The following GALNT3 variants were observed in gnomAD, a reference collection of about 807,000 sequenced individuals.
GALNT3 encodes the protein polypeptide N-acetylgalactosaminyltransferase 3.
Under a neutral mutation model 69.8 loss-of-function variants are expected in GALNT3, and 51 were observed. That is an observed-to-expected ratio of 0.73 (90% CI 0.58 to 0.92). GALNT3 has a LOEUF of 0.92. Among genes scored for constraint, GALNT3 ranks in the 40% least tolerant of loss-of-function variants. GALNT3 has a pLI of 0.00. For missense variants in GALNT3, 711 were observed against 760.0 expected (o/e 0.94, Z 0.76); for synonymous variants, 265 against 248.5 (o/e 1.07, Z -0.63).
chr2:165,786,905 G>C (rs1234830489), intron 1 of GALNT3, among the ~76,000 whole-genome samples: 2 of 152,102 alleles, frequency 1.3e-5, no homozygotes, highest in Non-Finnish European at 2.9e-5. Flanking sequence ...TGCCATGTAA[G>C]TGTTCAATAG....
At chr2:165,793,371 G>A (rs1683392426) in intron 1 of GALNT3, among the ~76,000 whole-genome samples, 1 of 152,284 alleles carries the variant, frequency 6.6e-6, no homozygotes, top group African/African-American at 2.4e-5. Context: ...CATTGATCAG[G>A]AAAGTGGGCC....
At chr2:165,792,914 T>C (rs1449266596) in intron 1 of GALNT3, among the ~76,000 whole-genome samples, 5 of 152,164 alleles carry the variant, frequency 3.3e-5, no homozygotes, top group African/African-American at 2.4e-5. Flanking sequence ...CTAATTAAAA[T>C]GCTGTCACTT....
intron 3 of GALNT3, among the ~76,000 whole-genome samples, chr2:165,764,479 T>C (rs1478774497): frequency 2.0e-5 from 3 of 152,214 alleles, no homozygotes; most frequent in Non-Finnish European, 4.4e-5. Context: ...CAACACATAA[T>C]ATATTTAATG....
At chr2:165,793,443 T>C (rs552741618) in intron 1 of GALNT3, among the ~76,000 whole-genome samples, 2 of 152,098 alleles carry the variant, frequency 1.3e-5, no homozygotes, top group Admixed American at 1.3e-4. Context: ...GAGAGGGGTG[T>C]CCGCGTCCCG....
chr2:165,751,808 G>C (rs1234354571), intron 9 of GALNT3, among the ~76,000 whole-genome samples: 2 of 151,972 alleles, frequency 1.3e-5, no homozygotes, highest in Non-Finnish European at 2.9e-5. Context: ...CTGATCAAAA[G>C]TAGAAGGAAA....
intron 9 of GALNT3, among the ~76,000 whole-genome samples, chr2:165,754,253 C>G (rs1012075079): frequency 1.7e-4 from 26 of 151,708 alleles, no homozygotes; most frequent in African/African-American, 6.1e-4. Flanking sequence ...CCACGCCCGA[C>G]AAATTTTTGT....
chr2:165,787,670 T>C (rs1300840230), intron 1 of GALNT3, among the ~76,000 whole-genome samples: 1 of 152,192 alleles, frequency 6.6e-6, no homozygotes. Context: ...CAAAAAGAGA[T>C]GAAAGGACTG....
chr2:165,770,306 T>C lies in GALNT3; in HGVS notation c.395A>G (p.Asn132Ser). ...GASGKAFKTT[N>S]LSVEEQKEKE... ...TTCCTTTTGCTCTTCAACACTTAAATTGGTTGTCTTGAATGCTTTACCAGA... is the reference window on the plus strand; with the variant it reads ...TTCCTTTTGCTCTTCAACACTTAAACTGGTTGTCTTGAATGCTTTACCAGA... The change falls in exon 2 of 11, where the codon AAT becomes AGT. Residue 132 changes from asparagine to serine, a missense_variant. Asn to Ser is a conservative substitution (Grantham distance 46). Coordinates refer to ENST00000392701, the MANE Select transcript of GALNT3 (RefSeq NM_004482.4). 1 of 1,614,156 alleles carries C rather than the reference T, an allele frequency of 6.2e-7. No individual in the cohort carries two copies. The highest frequency in any genetic ancestry group is 1.1e-5 in the South Asian group (1 of 91,080).
rs1271858556 is a variant in GALNT3 at position 165,748,425 on chromosome 2, G to A, written c.*356C>T. 1 of 279,616 alleles carries A rather than the reference G, an allele frequency of 3.6e-6. No individual in the cohort carries two copies. The highest frequency in any genetic ancestry group is 6.8e-6 in the Non-Finnish European group (1 of 146,710). The allele number at this position is 279,616 out of a possible 1,614,324, so 17.3% of individuals were successfully genotyped here. ...TTCTTCCTATCCCCCCAAAAAACTA[G>A]GGGAAATATTTTAAATTGTGAGTGT... On this transcript the variant is annotated 3_prime_UTR_variant, in exon 11 of 11. Transcript: ENST00000392701.
In GALNT3 at chr2:165,759,424, C is replaced by T. The variant is rs1204063782; in HGVS notation, c.985G>A (p.Gly329Arg). 16 of 1,613,840 alleles carry T rather than the reference C, an allele frequency of 9.9e-6. No individual in the cohort carries two copies. In the Admixed American group the frequency reaches 2.3e-4, roughly 24 times the overall value. ...PSPYGSNHNR[G>R]NFDWSLSFGW... ...AATGAAAGACTCCAGTCAAAATTTCCACGGTTATGGTTACTTCCATAAGGA... is the reference window on the plus strand; with the variant it reads ...AATGAAAGACTCCAGTCAAAATTTCTACGGTTATGGTTACTTCCATAAGGA... The change falls in exon 5 of 11, where the codon GGA becomes AGA. Residue 329 changes from glycine to arginine, a missense_variant. Gly to Arg is a moderately radical substitution (Grantham distance 125). Transcript: ENST00000392701.
Position 165,784,087 on chromosome 2 carries a change from C to G in GALNT3, c.-109+9928G>C, listed in dbSNP as rs918594213. ...GGTCTCAGCCTAAACTTTAATTCTT[C>G]TATCAACAGCTGGCCTCAAGTAGGG... is the stretch of plus-strand genomic sequence containing the variant. On this transcript the variant is annotated intron_variant, in intron 1 of 10. Coordinates refer to ENST00000392701, the MANE Select transcript of GALNT3 (RefSeq NM_004482.4). Among the ~76,000 whole-genome samples, 5 of 152,172 alleles carry G rather than the reference C, an allele frequency of 3.3e-5. No homozygotes were observed. In the South Asian group the frequency reaches 1.0e-3, roughly 31 times the overall value.
chr2:165,758,862 G>T lies in GALNT3; in HGVS notation c.1076C>A (p.Thr359Lys), dbSNP rs137853091. ...RRKDETYPIKTPTFAGGLFSI... is the reference protein window; with the variant it reads ...RRKDETYPIKKPTFAGGLFSI... ...AAAAAGTCCTCCTGCAAAAGTGGGT[G>T]TTCTGAAAAATAATCCATTGTCAAA... The change falls in exon 6 of 11, where the codon ACA becomes AAA. Residue 359 changes from threonine (T) to lysine (K), a missense_variant and splice_region_variant. Transcript: ENST00000392701. 1.3e-6 allele frequency: 2 copies of T among 1,572,540 alleles called. No individual in the cohort carries two copies. Among genetic ancestry groups the T allele is most frequent in the Non-Finnish European group, 1.8e-6 (2 of 1,142,456 alleles).
At chr2:165,753,050 T>TA (rs1688381681) in intron 9 of GALNT3, among the ~76,000 whole-genome samples, 2 of 152,194 alleles carry the variant, frequency 1.3e-5, no homozygotes, top group Non-Finnish European at 2.9e-5. Context: ...CAGCTCTGGC[T>TA]TCTGGGCATC....
intron 1 of GALNT3, among the ~76,000 whole-genome samples, chr2:165,784,320 T>C (rs1683176148): frequency 6.6e-6 from 1 of 152,158 alleles, no homozygotes; most frequent in South Asian, 2.1e-4. Context: ...TGATTGTCGT[T>C]GAAGTTGTGC....
chr2:165,750,171 A>G (rs1372438796), intron 9 of GALNT3, among the ~76,000 whole-genome samples: 3 of 152,106 alleles, frequency 2.0e-5, no homozygotes, highest in Non-Finnish European at 2.9e-5. Context: ...TATCCCAGGC[A>G]TTCCTCAGAA....
Position 165,770,204 on chromosome 2 carries a change from G to A in GALNT3, c.497C>T (p.Pro166Leu). 1 of 1,614,054 alleles carries A rather than the reference G, an allele frequency of 6.2e-7. No homozygotes were observed. Among genetic ancestry groups the A allele is most frequent in the Non-Finnish European group, 8.5e-7 (1 of 1,180,010 alleles). ...DRISLHRDLG[P>L]DTRPPECIEQ... ...AACATACTCAGGAGGTCGAGTGTCT[G>A]GTCCAAGATCTCGGTGCAAAGAAAT... The change falls in exon 2 of 11, where the codon CCA (proline) becomes CTA (leucine). Residue 166 changes from proline (P) to leucine (L), a missense_variant. Physicochemically the swap from Pro to Leu is moderately conservative, Grantham distance 98 (BLOSUM62 -3). Transcript: ENST00000392701.
intron 6 of GALNT3, 200 bp downstream of exon 6, chr2:165,758,545 CTT>C (rs1573998888): frequency 4.4e-6 from 2 of 458,426 alleles, no homozygotes; most frequent in East Asian, 7.7e-5. Flanking sequence ...ACTGATTCCT[CTT>C]GTTACACTGG....
rs1688322402 is a variant in GALNT3, at chr2:165,749,760, C to T, written c.1761G>A (p.Gln587=). The change falls in exon 10 of 11, where the codon CAG becomes CAA. Residue 587 remains glutamine (Q), a synonymous_variant. Coordinates refer to ENST00000392701, the MANE Select transcript of GALNT3 (RefSeq NM_004482.4). ...GAGGTACCTTCTGGATCTCCCATAT[C>T]TGCTCTCCAGTGACAACTGTCTTGT... ...KGHKTVVTGE[Q]IWEIQKDQLL... The T allele has an allele frequency of 1.9e-6, 3 of 1,613,440 alleles. No homozygotes were observed. The highest frequency in any genetic ancestry group is 1.7e-5 in the Admixed American group (1 of 59,970).
intron 1 of GALNT3, among the ~76,000 whole-genome samples, chr2:165,778,757 AGCTAGGTGCTGAGGAAAACT>A (rs1683030029): frequency 6.6e-6 from 1 of 152,214 alleles, no homozygotes; most frequent in Admixed American, 6.5e-5. Flanking sequence ...CCCTAGAACT[AGCTAGGTGCTGAGGAAAACT>A]GCTGGCTGCT....
Sources: gnomAD v4.1 joint callset for allele counts (sites outside exome capture counted in the v4.1 genomes callset) on GRCh38, gnomAD v4.1.1 for gene constraint, MANE v1.5 for transcripts, NCBI Gene and HGNC (gene_info 2026-07-23, HGNC 2026-07-21) for gene names.